The following SNX29 variants were observed in gnomAD, a reference collection of about 807,000 sequenced individuals.
The protein encoded by SNX29 is sorting nexin-29.
Under a neutral mutation model 102.1 loss-of-function variants are expected in SNX29, and 78 were observed. That is an observed-to-expected ratio of 0.76 (90% CI 0.64 to 0.92). The LOEUF (loss-of-function observed/expected upper bound fraction) is 0.92. SNX29 is among the 40% of genes least tolerant of loss of function. The pLI, the probability that SNX29 is intolerant of heterozygous loss-of-function variation, is 0.00. For missense variants in SNX29, 1,280 were observed against 1,061.7 expected (o/e 1.21, Z -2.86); for synonymous variants, 580 against 414.5 (o/e 1.40, Z -4.85).
chr16:12,439,041 C>T (rs966552282), intron 18 of SNX29, among the ~76,000 whole-genome samples: 2 of 152,216 alleles, frequency 1.3e-5, no homozygotes, highest in Non-Finnish European at 2.9e-5. Flanking sequence ...GCCCGGGCTT[C>T]CAAGGCAGGG....
chr16:12,419,681 C>T (rs1468533800), intron 18 of SNX29, among the ~76,000 whole-genome samples: 2 of 152,072 alleles, frequency 1.3e-5, no homozygotes, highest in African/African-American at 4.8e-5. Flanking sequence ...TGGAAATGTC[C>T]ATGCTGCCCC....
chr16:12,026,506 T>C (rs1205946947), intron 3 of SNX29, among the ~76,000 whole-genome samples: 2 of 152,176 alleles, frequency 1.3e-5, no homozygotes, highest in African/African-American at 4.8e-5. Flanking sequence ...ACAGACCCAG[T>C]TGGGCAGAGG....
intron 13 of SNX29, among the ~76,000 whole-genome samples, chr16:12,154,600 G>A (rs1382739125): frequency 6.6e-6 from 1 of 152,188 alleles, no homozygotes; most frequent in African/African-American, 2.4e-5. Flanking sequence ...TTCACCCACA[G>A]CAGGTGACCG....
At chr16:12,198,924 C>G (rs1199332877) in intron 13 of SNX29, among the ~76,000 whole-genome samples, 1 of 152,198 alleles carries the variant, frequency 6.6e-6, no homozygotes, top group East Asian at 1.9e-4. Context: ...GTTTTTCCCC[C>G]TTTGTCCTCA....
intron 11 of SNX29, among the ~76,000 whole-genome samples, chr16:12,106,030 C>T (rs2053222068): frequency 6.6e-6 from 1 of 152,128 alleles, no homozygotes; most frequent in African/African-American, 2.4e-5. Context: ...TCTGGAGGGA[C>T]AGAGCCAACG....
At chr16:12,325,728 A>G (rs2081092918) in intron 15 of SNX29, among the ~76,000 whole-genome samples, 1 of 152,146 alleles carries the variant, frequency 6.6e-6, no homozygotes. Context: ...GCGGGATTAT[A>G]TTTAAATATA....
At position 12,185,096 on chromosome 16, in the gene SNX29, C is replaced by G. The variant is rs1026992226; in HGVS notation, c.1596-14505C>G. On this transcript the variant is annotated intron_variant, in intron 13 of 20. Transcript: ENST00000566228. ...ACCTTATTTTTATACCATGTTCTTG[C>G]TTTGGTTCTGAGATTCCCAGTCCAC... Among the ~76,000 whole-genome samples the G allele has an allele frequency of 2.0e-5, 3 of 152,318 alleles. No homozygotes were observed. The South Asian group carries it at 6.2e-4, about 32-fold the overall frequency.
chr16:12,486,456 A>C (rs1238564092), intron 19 of SNX29, among the ~76,000 whole-genome samples: 3 of 152,330 alleles, frequency 2.0e-5, no homozygotes, highest in African/African-American at 7.2e-5. Flanking sequence ...TGTCCTGGGT[A>C]GACAACTCTT....
At chr16:12,510,506 C>G (rs765752402) in intron 19 of SNX29, among the ~76,000 whole-genome samples, 1 of 152,034 alleles carries the variant, frequency 6.6e-6, no homozygotes, top group Non-Finnish European at 1.5e-5. Context: ...AACCCTGTCT[C>G]TACTAAAAAG....
chr16:12,462,048 T>TACACACACACACAC lies in SNX29; in HGVS notation c.2038-15670_2038-15669insCACACACACACACA, dbSNP rs1567588303. The stretch of plus-strand genomic sequence containing the variant: ...ACACACACACACACACACACACTCT[T>TACACACACACACAC]ATATATGAGAAAATATCCAGACCAG... On this transcript the variant is annotated intron_variant, in intron 18 of 20. Transcript: ENST00000566228. Among the ~76,000 whole-genome samples the TACACACACACACAC allele has an allele frequency of 1.0e-3, 119 of 116,066 alleles. 1 individual carries two copies. The highest frequency in any genetic ancestry group is 4.4e-3 in the Middle Eastern group (1 of 226). 76.1% of individuals were successfully genotyped at this position (116,066 alleles called of 152,430 possible). A position where few individuals can be genotyped will look rare whatever the true frequency, so the allele number is the denominator to read the frequency against.
intron 20 of SNX29, among the ~76,000 whole-genome samples, chr16:12,542,177 T>C (rs376119751): frequency 1.3e-5 from 2 of 152,190 alleles, no homozygotes; most frequent in East Asian, 3.9e-4. Context: ...TCAGGCCCTG[T>C]GCTAAGCCTT....
intron 13 of SNX29, among the ~76,000 whole-genome samples, chr16:12,175,361 G>A (rs541047847): frequency 6.6e-5 from 10 of 152,278 alleles, no homozygotes; most frequent in African/African-American, 2.4e-4. Context: ...GTGGGGGGCT[G>A]GCCGGGCATG....
At chr16:12,410,255 A>G (rs545085416) in intron 18 of SNX29, among the ~76,000 whole-genome samples, 17 of 152,236 alleles carry the variant, frequency 1.1e-4, no homozygotes, top group African/African-American at 4.1e-4. Flanking sequence ...CGACCTCCCA[A>G]AGTGCTGGGA....
chr16:12,429,539 G>A (rs544436934), intron 18 of SNX29, among the ~76,000 whole-genome samples: 37 of 152,166 alleles, frequency 2.4e-4, no homozygotes, highest in Non-Finnish European at 4.4e-4. Context: ...AAAGCCCTGG[G>A]ATTACAGATG....
chr16:12,028,632 G>A (rs1028012745), intron 4 of SNX29, among the ~76,000 whole-genome samples: 16 of 151,908 alleles, frequency 1.1e-4, no homozygotes, highest in African/African-American at 3.6e-4. Context: ...CCAACTAGCT[G>A]GGATTACAAA....
intron 20 of SNX29, among the ~76,000 whole-genome samples, chr16:12,548,624 G>A (rs1040666832): frequency 1.3e-5 from 2 of 152,202 alleles, no homozygotes; most frequent in Admixed American, 6.5e-5. Context: ...CCCCACAGCA[G>A]AAGAGGCTCT....
intron 15 of SNX29, among the ~76,000 whole-genome samples, chr16:12,308,864 T>G (rs1374189976): frequency 2.0e-5 from 3 of 152,178 alleles, no homozygotes. Context: ...TTATGTAAGC[T>G]GTCCGTTATA....
intron 16 of SNX29, among the ~76,000 whole-genome samples, chr16:12,358,359 C>T (rs912046943): frequency 6.6e-6 from 1 of 152,182 alleles, no homozygotes; most frequent in African/African-American, 2.4e-5. Context: ...CACTTGAGAT[C>T]AGGAGTTCGA....
chr16:12,518,299 G>A (rs1232291016), intron 19 of SNX29, among the ~76,000 whole-genome samples: 8 of 152,132 alleles, frequency 5.3e-5, no homozygotes, highest in Admixed American at 5.2e-4. Context: ...GGCTCTGCAC[G>A]GTTTTACTGC....
Sources: gnomAD v4.1 joint callset for allele counts (sites outside exome capture counted in the v4.1 genomes callset) on GRCh38, gnomAD v4.1.1 for gene constraint, MANE v1.5 for transcripts, NCBI Gene and HGNC (gene_info 2026-07-23, HGNC 2026-07-21) for gene names.